NT5DC1: variants seen among roughly 807,000 people sequenced by gnomAD.
NT5DC1 encodes 5'-nucleotidase domain containing 1.
A neutral mutation model predicts 59.4 loss-of-function variants in NT5DC1; 42 were observed. That is an observed-to-expected ratio of 0.71 (90% CI 0.55 to 0.92). NT5DC1 has a LOEUF of 0.92. NT5DC1 is among the 40% of genes least tolerant of loss of function. The pLI is 0.00. For synonymous variants in NT5DC1, 172 were observed against 188.1 expected, an observed-to-expected ratio of 0.91 and a Z score of 0.70; for missense variants, 501 against 537.1, an observed-to-expected ratio of 0.93 and a Z score of 0.66.
Position 116,244,225 on chromosome 6 carries a change from G to A in NT5DC1, c.*201G>A, listed in dbSNP as rs1275680110. Reference sequence around the variant, plus strand: ...TAAAATCTCAGTATCCTAAAACTTAGAACCTTATTGATATTTTCTATACAG... The same window carrying A: ...TAAAATCTCAGTATCCTAAAACTTAAAACCTTATTGATATTTTCTATACAG... On this transcript the variant is annotated 3_prime_UTR_variant, in exon 12 of 12. Coordinates refer to ENST00000319550, the MANE Select transcript of NT5DC1 (RefSeq NM_152729.3). The A allele has an allele frequency of 2.6e-6, 1 of 388,616 alleles. No homozygotes were observed. The highest frequency in any genetic ancestry group is 2.1e-5 in the African/African-American group (1 of 47,944). 24.1% of individuals were successfully genotyped at this position (388,616 alleles called of 1,614,324 possible).
chr6:116,180,432 A>G (rs1780850727), intron 6 of NT5DC1, among the ~76,000 whole-genome samples: 1 of 152,078 alleles, frequency 6.6e-6, no homozygotes, highest in Admixed American at 6.6e-5. Flanking sequence ...TATAATCCCT[A>G]ATGAAATAAT....
At chr6:116,139,431 T>C (rs1249898409) in intron 6 of NT5DC1, among the ~76,000 whole-genome samples, 2 of 152,168 alleles carry the variant, frequency 1.3e-5, no homozygotes, top group African/African-American at 2.4e-5. Context: ...AATCCACCTA[T>C]TTGTATACTT....
intron 6 of NT5DC1, among the ~76,000 whole-genome samples, chr6:116,159,420 T>C (rs756012930): frequency 2.6e-5 from 4 of 152,226 alleles, no homozygotes; most frequent in African/African-American, 4.8e-5. Flanking sequence ...TTTCTACCCA[T>C]TCCTTTGTTC....
chr6:116,124,447 A>T (rs1562126815), intron 6 of NT5DC1, among the ~76,000 whole-genome samples: 1 of 152,184 alleles, frequency 6.6e-6, no homozygotes, highest in African/African-American at 2.4e-5. Flanking sequence ...TACATATATT[A>T]TCTCAGTAAT....
chr6:116,148,668 C>T (rs1779957028), intron 6 of NT5DC1, among the ~76,000 whole-genome samples: 1 of 152,068 alleles, frequency 6.6e-6, no homozygotes, highest in Non-Finnish European at 1.5e-5. Flanking sequence ...GTTTATATAA[C>T]AACGTCATTA....
At chr6:116,201,742 A>G (rs985156330) in intron 6 of NT5DC1, among the ~76,000 whole-genome samples, 2 of 152,032 alleles carry the variant, frequency 1.3e-5, no homozygotes, top group African/African-American at 2.4e-5. Flanking sequence ...AAAGAAACAC[A>G]GGTGTACAGC....
intron 6 of NT5DC1, among the ~76,000 whole-genome samples, chr6:116,129,727 A>G (rs1779416829): frequency 3.3e-5 from 5 of 152,190 alleles, no homozygotes; most frequent in Admixed American, 2.6e-4. Flanking sequence ...GTAGTGTAAA[A>G]TGGACTAAAC....
Position 116,159,145 on chromosome 6 carries a change from C to A in NT5DC1, c.529+41200C>A, listed in dbSNP as rs74358672. Among the ~76,000 whole-genome samples the A allele has an allele frequency of 4.4e-3, 664 of 152,132 alleles. 14 individuals carry two copies. The East Asian group carries it at 0.057, about 13-fold the overall frequency. On this transcript the variant is annotated intron_variant, in intron 6 of 11. Coordinates refer to ENST00000319550, the MANE Select transcript of NT5DC1 (RefSeq NM_152729.3). ...AAGGATATCTTCTTATGCCATTGCT[C>A]TGGGATCAATGTTTTGTTTTTGGTT...
rs762520449 is a variant in NT5DC1 at position 116,106,286 on chromosome 6, G to A, written c.136G>A (p.Gly46Arg). 6.3e-7 allele frequency: 1 copy of A among 1,594,296 alleles called. No individual in the cohort carries two copies. Among genetic ancestry groups the A allele is most frequent in the Non-Finnish European group, 8.6e-7 (1 of 1,163,212 alleles). ...SFAQFLVKEK[G>R]YDKELLNVTP... ...TGCCCAGTTCCTAGTTAAGGAGAAA[G>A]GGTACGATAAGGAATTGCTCAATGT... Residue 46 changes from glycine to arginine, a missense_variant, in exon 2 of 12, where the codon GGG becomes AGG. Physicochemically the swap from Gly to Arg is moderately radical, Grantham distance 125. Coordinates refer to ENST00000319550, the MANE Select transcript of NT5DC1 (RefSeq NM_152729.3).
intron 6 of NT5DC1, among the ~76,000 whole-genome samples, chr6:116,165,098 G>GAA (rs71554841): frequency 0.044 from 4,401 of 100,996 alleles, 185 homozygotes; most frequent in African/African-American, 0.093. Context: ...CTCCGTCTCA[G>GAA]AAAAAAAAAA....
chr6:116,171,635 T>C (rs1340276991), intron 6 of NT5DC1, among the ~76,000 whole-genome samples: 1 of 152,208 alleles, frequency 6.6e-6, no homozygotes, highest in African/African-American at 2.4e-5. Flanking sequence ...ATATTTGACT[T>C]GGCTGAATTC....
chr6:116,195,351 A>T (rs1781200812), intron 6 of NT5DC1, among the ~76,000 whole-genome samples: 1 of 152,058 alleles, frequency 6.6e-6, no homozygotes, highest in Non-Finnish European at 1.5e-5. Context: ...TTTTTTTGGA[A>T]ACACCATTTT....
chr6:116,162,987 C>T (rs377596536), intron 6 of NT5DC1, among the ~76,000 whole-genome samples: 13 of 151,442 alleles, frequency 8.6e-5, no homozygotes, highest in Non-Finnish European at 1.5e-4. Flanking sequence ...ATTAGCCAGG[C>T]GTGGCGGCAG....
chr6:116,155,232 G>C (rs753480541), intron 6 of NT5DC1, among the ~76,000 whole-genome samples: 1 of 152,152 alleles, frequency 6.6e-6, no homozygotes, highest in African/African-American at 2.4e-5. Context: ...GACAACTGTC[G>C]TGATGGTTAC....
intron 5 of NT5DC1, 54 bp from the exon 6 acceptor site, chr6:116,117,807 C>T: frequency 9.9e-7 from 1 of 1,008,628 alleles, no homozygotes; most frequent in Non-Finnish European, 1.5e-6. Flanking sequence ...GCATTTTTCA[C>T]TATGCTTAAA....
chr6:116,164,374 A>G (rs1422133109), intron 6 of NT5DC1, among the ~76,000 whole-genome samples: 1 of 152,070 alleles, frequency 6.6e-6, no homozygotes, highest in Non-Finnish European at 1.5e-5. Context: ...TGTTGGTTTA[A>G]AGTCTATTTT....
At chr6:116,203,365 C>A (rs555249851) in intron 6 of NT5DC1, among the ~76,000 whole-genome samples, 47 of 152,030 alleles carry the variant, frequency 3.1e-4, no homozygotes, top group Admixed American at 9.2e-4. Context: ...CCGCCAGAAG[C>A]TCTCTTCATG....
chr6:116,133,253 A>G (rs561793077), intron 6 of NT5DC1, among the ~76,000 whole-genome samples: 8 of 152,206 alleles, frequency 5.3e-5, no homozygotes, highest in African/African-American at 1.4e-4. Flanking sequence ...TGGCTACCCA[A>G]TGGGTTCTCA....
At chr6:116,221,759 G>A (rs970751363) in intron 7 of NT5DC1, among the ~76,000 whole-genome samples, 1 of 152,104 alleles carries the variant, frequency 6.6e-6, no homozygotes, top group Non-Finnish European at 1.5e-5. Flanking sequence ...TATTACCTGG[G>A]GCAGGTTTTA....
Sources: allele counts gnomAD v4.1 joint callset (sites outside exome capture counted in the v4.1 genomes callset), GRCh38; gene constraint gnomAD v4.1.1; transcripts MANE v1.5; gene names NCBI Gene and HGNC (gene_info 2026-07-23, HGNC 2026-07-21).